Variants in FBXL2 observed in about 807,000 individuals in gnomAD.
The protein encoded by FBXL2 is F-box and leucine rich repeat protein 2, also known as F-box/LRR-repeat protein 2.
A neutral mutation model predicts 69.2 loss-of-function variants in FBXL2; 38 were observed. That is an observed-to-expected ratio of 0.55 (90% CI 0.42 to 0.72). The LOEUF is 0.72. Ranked by LOEUF, FBXL2 falls within the 30% of genes least tolerant of loss-of-function variation. The pLI is 0.00. For synonymous variants in FBXL2, 192 were observed against 201.3 expected, an observed-to-expected ratio of 0.95 and a Z score of 0.39; for missense variants, 354 against 520.3, an observed-to-expected ratio of 0.68 and a Z score of 3.11.
intron 13 of FBXL2, among the ~76,000 whole-genome samples, chr3:33,382,401 T>G: frequency 6.6e-6 from 1 of 152,208 alleles, no homozygotes; most frequent in Non-Finnish European, 1.5e-5. Flanking sequence ...TTTCAATCAC[T>G]GATCCCCCAA....
intron 2 of FBXL2, among the ~76,000 whole-genome samples, chr3:33,318,021 T>G (rs1319675161): frequency 1.3e-5 from 2 of 151,420 alleles, no homozygotes; most frequent in African/African-American, 2.4e-5. Context: ...GGTTTCTGGG[T>G]TTTTTTTGTT....
chr3:33,294,421 T>C (rs1401245018), intron 1 of FBXL2, among the ~76,000 whole-genome samples: 1 of 152,014 alleles, frequency 6.6e-6, no homozygotes, highest in African/African-American at 2.4e-5. Flanking sequence ...TATTAATCAA[T>C]AGGTGAAAGA....
the FBXL2 span, chr3:33,409,132 G>GC: frequency 1.8e-6 from 2 of 1,091,526 alleles, no homozygotes; most frequent in South Asian, 1.5e-5. Flanking sequence ...ATGTCAAACT[G>GC]CCACCCAATC....
chr3:33,377,476 G>A, intron 11 of FBXL2, 143 bp downstream of exon 11: 1 of 757,564 alleles, frequency 1.3e-6, no homozygotes, highest in Non-Finnish European at 2.2e-6. Flanking sequence ...GGTGTGTACT[G>A]CAGTTTTTCC....
the FBXL2 span, among the ~76,000 whole-genome samples, chr3:33,416,257 T>C: frequency 2.0e-5 from 3 of 152,182 alleles, no homozygotes; most frequent in African/African-American, 7.2e-5. Flanking sequence ...GGATACAGGC[T>C]AGGAGGGGCC....
intron 12 of FBXL2, among the ~76,000 whole-genome samples, chr3:33,394,304 C>G (rs570408857): frequency 9.9e-5 from 15 of 151,856 alleles, no homozygotes; most frequent in African/African-American, 3.1e-4. Context: ...GTTAGGCCTC[C>G]CAAAGTGCTG....
rs890430050 is a variant in FBXL2, at chr3:33,374,685, T to A, written c.658-603T>A. On this transcript the variant is annotated intron_variant, in intron 9 of 14. Coordinates refer to ENST00000484457, the MANE Select transcript of FBXL2 (RefSeq NM_012157.5). ...CAGTGGCTGATGGCTTGAAGTATAA[T>A]ATAGATGTGCGTGTTTATTTCTATA... Among the ~76,000 whole-genome samples, 5 of 152,336 alleles carry A rather than the reference T, an allele frequency of 3.3e-5. No individual in the cohort carries two copies. In the East Asian group the frequency reaches 9.6e-4, roughly 29 times the overall value.
At chr3:33,391,479 A>C (rs1291134483), downstream of FBXL2, 2 of 152,194 alleles carry the variant, frequency 1.3e-5, no homozygotes, top group Non-Finnish European at 2.9e-5. Context: ...GAAGGTTTCC[A>C]AATTTACATC....
chr3:33,277,508 C>T lies in FBXL2; in HGVS notation c.-5C>T, dbSNP rs1452232197. On this transcript the variant is annotated 5_prime_UTR_variant, in exon 1 of 15. Coordinates refer to ENST00000484457, the MANE Select transcript of FBXL2 (RefSeq NM_012157.5). ...GGCTGTGGGCTCGCTCGCGGCTCTT[C>T]GGCCATGGTGAGTCTGGGACCCGCG... 11 of 1,301,304 alleles carry T rather than the reference C, an allele frequency of 8.5e-6. No homozygotes were observed. The African/African-American group carries it at 9.2e-5, about 11-fold the overall frequency. The allele number at this position is 1,301,304 out of a possible 1,614,324, so 80.6% of individuals were successfully genotyped here. A position where few individuals can be genotyped will look rare whatever the true frequency, so the allele number is the denominator to read the frequency against.
At chr3:33,402,061 G>C (rs2044250897) in intron 12 of FBXL2, among the ~76,000 whole-genome samples, 1 of 152,158 alleles carries the variant, frequency 6.6e-6, no homozygotes, top group East Asian at 1.9e-4. Context: ...AGCATGACCG[G>C]AGAACCTTTT....
chr3:33,391,459 C>T (rs13084502), downstream of FBXL2: 75,758 of 152,062 alleles, frequency 0.5, 19,407 homozygotes, highest in Admixed American at 0.61. Context: ...TGAGTCACTG[C>T]TGATATGCTG....
chr3:33,289,791 C>CT (rs1208052158), intron 1 of FBXL2: 1 of 985,408 alleles, frequency 1.0e-6, no homozygotes, highest in Non-Finnish European at 1.2e-6. Context: ...AAGGGTCCTG[C>CT]TGAGGTGGGT....
downstream of FBXL2, chr3:33,391,345 T>C (rs1017079873): frequency 6.6e-6 from 1 of 152,186 alleles, no homozygotes; most frequent in South Asian, 2.1e-4. Context: ...CTCAAATAAT[T>C]TTACATTTAG....
downstream of FBXL2, among the ~76,000 whole-genome samples, chr3:33,407,267 A>G (rs1337522007): frequency 6.6e-6 from 1 of 152,104 alleles, no homozygotes; most frequent in Non-Finnish European, 1.5e-5. Context: ...CTTAAGAATC[A>G]TTAAGAATTT....
At chr3:33,283,339 A>G (rs1229657161) in intron 1 of FBXL2, among the ~76,000 whole-genome samples, 1 of 152,014 alleles carries the variant, frequency 6.6e-6, no homozygotes, top group Non-Finnish European at 1.5e-5. Flanking sequence ...TGTTTATATG[A>G]TGGATTACGT....
chr3:33,280,190 A>G (rs2033819709), intron 1 of FBXL2, among the ~76,000 whole-genome samples: 1 of 152,206 alleles, frequency 6.6e-6, no homozygotes, highest in African/African-American at 2.4e-5. Context: ...TAATAAAGAC[A>G]TGAATTAGAT....
chr3:33,296,710 AT>A (rs1483070039), intron 1 of FBXL2, among the ~76,000 whole-genome samples: 1 of 152,102 alleles, frequency 6.6e-6, no homozygotes, highest in African/African-American at 2.4e-5. Flanking sequence ...CAGTTTTATA[AT>A]TTTATTTTAG....
At chr3:33,364,868 A>G (rs2041852363) in intron 5 of FBXL2, 149 bp downstream of exon 5, 1 of 724,650 alleles carries the variant, frequency 1.4e-6, no homozygotes, top group Non-Finnish European at 2.3e-6. Flanking sequence ...ACTTTGGAAT[A>G]GCAAACCTGG....
At chr3:33,313,454 G>C (rs1285845991) in intron 2 of FBXL2, among the ~76,000 whole-genome samples, 1 of 151,930 alleles carries the variant, frequency 6.6e-6, no homozygotes. Context: ...AAATTTGCTT[G>C]TTTGTTTAGA....
Sources: gnomAD v4.1 joint callset for allele counts (sites outside exome capture counted in the v4.1 genomes callset) on GRCh38, gnomAD v4.1.1 for gene constraint, MANE v1.5 for transcripts, NCBI Gene and HGNC (gene_info 2026-07-23, HGNC 2026-07-21) for gene names.